UNC79: variants seen among roughly 807,000 people sequenced by gnomAD.
The protein encoded by UNC79 is unc-79 subunit of NALCN channel complex, also known as protein unc-79 homolog.
Under a neutral mutation model 283.1 loss-of-function variants are expected in UNC79, and 37 were observed. That is an observed-to-expected ratio of 0.13 (90% CI 0.10 to 0.17). UNC79 has a LOEUF of 0.17. Among genes scored for constraint, UNC79 ranks in the 10% least tolerant of loss-of-function variants. The probability of loss-of-function intolerance (pLI) is 1.00; values close to 1 mark genes in which losing one functional copy is unlikely to be tolerated. For synonymous variants in UNC79, 1,107 were observed against 1,200.2 expected (o/e 0.92, Z 1.61); for missense variants, 2,272 against 3,211.1 (o/e 0.71, Z 7.07).
At chr14:93,371,408 A>C (rs1203010742) in intron 1 of UNC79, among the ~76,000 whole-genome samples, 5 of 152,086 alleles carry the variant, frequency 3.3e-5, no homozygotes, top group Admixed American at 6.6e-5. Context: ...AACAAAACCC[A>C]AAAACACACA....
chr14:93,374,853 G>C (rs192743933), intron 1 of UNC79, among the ~76,000 whole-genome samples: 15 of 152,284 alleles, frequency 9.9e-5, no homozygotes, highest in African/African-American at 3.6e-4. Flanking sequence ...GGCCTCCATT[G>C]TATCTTGAAA....
chr14:93,548,530 G>C (rs896577457), intron 14 of UNC79, among the ~76,000 whole-genome samples: 1 of 152,132 alleles, frequency 6.6e-6, no homozygotes, highest in Non-Finnish European at 1.5e-5. Context: ...TTTTTTAAGA[G>C]AGAGAAAATG....
exon 12 of UNC79, chr14:93,538,038 G>A: frequency 3.1e-6 from 5 of 1,614,088 alleles, no homozygotes; most frequent in Non-Finnish European, 4.2e-6. Flanking sequence ...TTCTCAGCAG[G>A]GTGCTGTGGT....
At chr14:93,381,337 C>T (rs990364083) in intron 1 of UNC79, among the ~76,000 whole-genome samples, 10 of 152,300 alleles carry the variant, frequency 6.6e-5, no homozygotes, top group African/African-American at 2.4e-4. Flanking sequence ...AGTGTGGGTG[C>T]TTTTCCCTCA....
chr14:93,388,978 T>C (rs906992037), intron 1 of UNC79, among the ~76,000 whole-genome samples: 14 of 152,220 alleles, frequency 9.2e-5, no homozygotes, highest in Non-Finnish European at 1.9e-4. Context: ...GGCTAATCTC[T>C]TTAGGAATTG....
chr14:93,602,912 A>T (rs2065618036), intron 25 of UNC79, among the ~76,000 whole-genome samples: 1 of 152,186 alleles, frequency 6.6e-6, no homozygotes, highest in Admixed American at 6.5e-5. Flanking sequence ...AAGTGCTAGG[A>T]TTACAGGCAT....
chr14:93,464,664 G>A, intron 1 of UNC79: 1 of 450,484 alleles, frequency 2.2e-6, no homozygotes, highest in Non-Finnish European at 4.4e-6. Context: ...TAATTGAAGA[G>A]TGTAGAAGAA....
intron 1 of UNC79, among the ~76,000 whole-genome samples, chr14:93,390,372 G>T (rs370502416): frequency 1.3e-5 from 2 of 152,140 alleles, no homozygotes; most frequent in South Asian, 2.1e-4. Context: ...TTCTTAATTG[G>T]TGACATTTTG....
At chr14:93,701,931 T>C (rs908771129) in intron 47 of UNC79, among the ~76,000 whole-genome samples, 1 of 152,198 alleles carries the variant, frequency 6.6e-6, no homozygotes, top group Non-Finnish European at 1.5e-5. Flanking sequence ...CTGGGAAAGG[T>C]ATCCACCCAG....
chr14:93,477,997 A>G (rs1238898799), intron 4 of UNC79, among the ~76,000 whole-genome samples: 1 of 152,214 alleles, frequency 6.6e-6, no homozygotes, highest in Non-Finnish European at 1.5e-5. Flanking sequence ...TAGATTTCCT[A>G]TGTATAAGTT....
chr14:93,541,838 G>A (rs1431992560), intron 13 of UNC79, among the ~76,000 whole-genome samples: 2 of 151,702 alleles, frequency 1.3e-5, no homozygotes, highest in African/African-American at 4.8e-5. Flanking sequence ...ACCCTGTCTC[G>A]ACTAAAAATA....
intron 35 of UNC79, among the ~76,000 whole-genome samples, 200 bp downstream of exon 38, chr14:93,646,846 T>A (rs1206065299): frequency 6.6e-6 from 1 of 151,764 alleles, no homozygotes; most frequent in African/African-American, 2.4e-5. Context: ...CCTGTCTCAA[T>A]AAAAAATAAA....
intron 1 of UNC79, among the ~76,000 whole-genome samples, chr14:93,451,396 C>G (rs1411743405): frequency 6.6e-6 from 1 of 152,222 alleles, no homozygotes; most frequent in African/African-American, 2.4e-5. Context: ...CTTCTAGTCT[C>G]CAGCCTGAAG....
At chr14:93,665,239 T>G (rs1453060912) in intron 40 of UNC79, among the ~76,000 whole-genome samples, 8 of 144,190 alleles carry the variant, frequency 5.5e-5, no homozygotes, top group Admixed American at 1.4e-4. Flanking sequence ...AAAAAGAAAA[T>G]AAACCAGACA....
chr14:93,540,392 G>A (rs1057333782), intron 12 of UNC79, among the ~76,000 whole-genome samples: 5 of 152,152 alleles, frequency 3.3e-5, no homozygotes, highest in Non-Finnish European at 7.4e-5. Context: ...TCTGCTTGAT[G>A]CTAATTGATT....
chr14:93,528,979 A>G (rs2060672630), intron 9 of UNC79, among the ~76,000 whole-genome samples: 1 of 152,146 alleles, frequency 6.6e-6, no homozygotes, highest in Non-Finnish European at 1.5e-5. Context: ...TACAAATTAT[A>G]TGGGTTCTTT....
chr14:93,617,371 A>C lies in UNC79; in HGVS notation c.4224+67A>C. 1.3e-6 allele frequency: 2 copies of C among 1,502,172 alleles called. No homozygotes were observed. Among genetic ancestry groups the C allele is most frequent in the East Asian group, 4.7e-5 (2 of 42,852 alleles). The allele number at this position is 1,502,172 out of a possible 1,614,324, so 93.1% of individuals were successfully genotyped here. ...CTTAGAGAGCATATAGCATTAGGAGAACACCTGAGTCTTTAGTTGAAAATT... is the reference window on the plus strand; with the variant it reads ...CTTAGAGAGCATATAGCATTAGGAGCACACCTGAGTCTTTAGTTGAAAATT... On this transcript the variant is annotated intron_variant, in intron 28 of 48. Transcript: ENST00000555664. The surrounding 1 kb of genome is among the most constrained non-coding windows in gnomAD (Gnocchi z 4.5).
intron 16 of UNC79, among the ~76,000 whole-genome samples, chr14:93,573,946 A>C (rs911054351): frequency 5.3e-5 from 8 of 152,246 alleles, no homozygotes; most frequent in Non-Finnish European, 4.4e-5. Context: ...TCGAGGCTGC[A>C]GTGAGCTATG....
intron 20 of UNC79, among the ~76,000 whole-genome samples, chr14:93,583,328 A>AG (rs1363377059): frequency 6.0e-5 from 9 of 151,114 alleles, no homozygotes; most frequent in Non-Finnish European, 1.3e-4. Context: ...AAAAAAAAAA[A>AG]AAATAATAAA....
Sources: allele counts gnomAD v4.1 joint callset (sites outside exome capture counted in the v4.1 genomes callset), GRCh38; gene constraint gnomAD v4.1.1; non-coding constraint Gnocchi (gnomAD v3.1); transcripts MANE v1.5; gene names NCBI Gene and HGNC (gene_info 2026-07-23, HGNC 2026-07-21).